The following LMNB1 variants were observed in gnomAD, a reference collection of about 807,000 sequenced individuals.
The protein encoded by LMNB1 is lamin B1.
In LMNB1, 23 loss-of-function variants were observed where a neutral mutation model predicts 67.1. That is an observed-to-expected ratio of 0.34 (90% CI 0.25 to 0.49). LMNB1 has a LOEUF of 0.49. Among genes scored for constraint, LMNB1 ranks in the 20% least tolerant of loss-of-function variants. The pLI is 0.99. For missense variants in LMNB1, 634 were observed against 746.5 expected, an observed-to-expected ratio of 0.85 and a Z score of 1.76; for synonymous variants, 281 against 282.9, an observed-to-expected ratio of 0.99 and a Z score of 0.07.
At chr5:126,783,155 G>A (rs565467608) in intron 1 of LMNB1, among the ~76,000 whole-genome samples, 1 of 151,870 alleles carries the variant, frequency 6.6e-6, no homozygotes, top group African/African-American at 2.4e-5. Context: ...AGCCAAGATC[G>A]TACCACTGCA....
Position 126,822,051 on chromosome 5 carries a change from C to T in LMNB1, c.1387-730C>T, listed in dbSNP as rs115039617. 7.0e-3 allele frequency among the ~76,000 whole-genome samples: 1,020 copies of T among 144,768 alleles called. 13 individuals are homozygous for T. The highest frequency in any genetic ancestry group is 0.024 in the African/African-American group (943 of 38,986). 95.0% of individuals were successfully genotyped at this position (144,768 alleles called of 152,430 possible). On this transcript the variant is annotated intron_variant, in intron 7 of 10. Coordinates refer to ENST00000261366, the MANE Select transcript of LMNB1 (RefSeq NM_005573.4). Reference sequence around the variant, plus strand: ...TTGAGTCTTGCTCTGTTGCCCAGGTCGGAGTGCAGTGGCATGATCTTGGCT... The same window carrying T: ...TTGAGTCTTGCTCTGTTGCCCAGGTTGGAGTGCAGTGGCATGATCTTGGCT...
intron 1 of LMNB1, among the ~76,000 whole-genome samples, chr5:126,787,546 A>ATATTTTT: frequency 1.5e-5 from 1 of 65,572 alleles, no homozygotes; most frequent in African/African-American, 6.6e-5. Flanking sequence ...ATATATATAT[A>ATATTTTT]TTTTTTTTTT....
intron 1 of LMNB1, among the ~76,000 whole-genome samples, chr5:126,778,217 C>A (rs967927953): frequency 6.6e-6 from 1 of 151,968 alleles, no homozygotes; most frequent in African/African-American, 2.4e-5. Context: ...CCTCAGGCCC[C>A]AGGTGCGGGG....
intron 1 of LMNB1, among the ~76,000 whole-genome samples, chr5:126,799,113 G>A (rs1481647273): frequency 3.3e-5 from 5 of 151,800 alleles, no homozygotes; most frequent in African/African-American, 1.2e-4. Context: ...CGCCCCCTGG[G>A]GTTCACGCCA....
chr5:126,804,238 C>CTT (rs61232506), intron 1 of LMNB1, among the ~76,000 whole-genome samples: 31,169 of 101,184 alleles, frequency 0.31, 5,129 homozygotes, highest in South Asian at 0.38. Context: ...GTGCCAGGCT[C>CTT]TTTTTTTTTT....
chr5:126,822,276 C>T (rs1198779249), intron 7 of LMNB1, among the ~76,000 whole-genome samples: 1 of 152,130 alleles, frequency 6.6e-6, no homozygotes, highest in Non-Finnish European at 1.5e-5. Flanking sequence ...AGGCATGGGC[C>T]ACCATGCCCA....
intron 1 of LMNB1, among the ~76,000 whole-genome samples, chr5:126,787,445 A>ATGTTATATATAACATATACTTTATGTATT (rs1278107843): frequency 6.8e-6 from 1 of 147,798 alleles, no homozygotes; most frequent in Non-Finnish European, 1.5e-5. Flanking sequence ...TTATATGTAT[A>ATGTTATATATAACATATACTTTATGTATT]TGTTATATAT....
chr5:126,796,914 GA>G (rs1751111697), intron 1 of LMNB1, among the ~76,000 whole-genome samples: 3 of 150,646 alleles, frequency 2.0e-5, no homozygotes, highest in East Asian at 3.9e-4. Context: ...TCAGCCTCCC[GA>G]GTAGCTGGGA....
rs1209833921 is a variant in LMNB1, at chr5:126,785,509, CG to C, written c.359+7643del. 2.1e-5 allele frequency among the ~76,000 whole-genome samples: 3 copies of C among 142,472 alleles called. No individual in the cohort carries two copies. In the South Asian group the frequency reaches 6.6e-4, roughly 32 times the overall value. 93.5% of individuals were successfully genotyped at this position (142,472 alleles called of 152,430 possible). A position where few individuals can be genotyped will look rare whatever the true frequency, so the allele number is the denominator to read the frequency against. ...TTTTTTTTTTGTATTTTAGTAGAGA[CG>C]AGGTTTCACCAGGTTGCCCAGGCTT... On this transcript the variant is annotated intron_variant, in intron 1 of 10. Coordinates refer to ENST00000261366, the MANE Select transcript of LMNB1 (RefSeq NM_005573.4).
At chr5:126,811,063 T>A (rs1467048770) in intron 4 of LMNB1, among the ~76,000 whole-genome samples, 1 of 152,260 alleles carries the variant, frequency 6.6e-6, no homozygotes, top group Non-Finnish European at 1.5e-5. Flanking sequence ...AAACTGTTCA[T>A]GTTGCTTTTT....
At chr5:126,781,984 T>C (rs1750643997) in intron 1 of LMNB1, among the ~76,000 whole-genome samples, 2 of 152,184 alleles carry the variant, frequency 1.3e-5, no homozygotes, top group Admixed American at 1.3e-4. Flanking sequence ...ATATGTAAGG[T>C]ACAGTTACTT....
chr5:126,831,509 C>G (rs760452822), intron 9 of LMNB1, among the ~76,000 whole-genome samples: 9 of 152,194 alleles, frequency 5.9e-5, no homozygotes, highest in Admixed American at 1.3e-4. Context: ...ATTGGAACCT[C>G]ACTAGTACGT....
At chr5:126,778,479 G>T (rs1399306950) in intron 1 of LMNB1, among the ~76,000 whole-genome samples, 1 of 152,224 alleles carries the variant, frequency 6.6e-6, no homozygotes, top group African/African-American at 2.4e-5. Context: ...AAGATTCTAC[G>T]CCTGCTTTAG....
intron 5 of LMNB1, 54 bp from the exon 6 acceptor site, chr5:126,818,868 G>A (rs1751790003): frequency 1.6e-6 from 2 of 1,219,032 alleles, no homozygotes; most frequent in East Asian, 2.3e-5. Context: ...ATAGCTGCCT[G>A]GTGCTAATGT....
intron 1 of LMNB1, among the ~76,000 whole-genome samples, chr5:126,780,236 C>G (rs1712322168): frequency 6.6e-6 from 1 of 152,026 alleles, no homozygotes; most frequent in East Asian, 1.9e-4. Flanking sequence ...GTACCAGTCA[C>G]CGTTCTATGT....
intron 7 of LMNB1, among the ~76,000 whole-genome samples, chr5:126,822,126 GC>G (rs1289744768): frequency 6.6e-6 from 1 of 151,678 alleles, no homozygotes; most frequent in Non-Finnish European, 1.5e-5. Context: ...CTCCTGAGTA[GC>G]TGGGATTACA....
intron 1 of LMNB1, among the ~76,000 whole-genome samples, chr5:126,779,576 C>T (rs1580520063): frequency 6.6e-6 from 1 of 152,178 alleles, no homozygotes; most frequent in Non-Finnish European, 1.5e-5. Flanking sequence ...TCCTGTTGGA[C>T]CCATCATGAT....
intron 1 of LMNB1, among the ~76,000 whole-genome samples, chr5:126,800,982 A>ATATATATTTT: frequency 5.4e-5 from 1 of 18,632 alleles, no homozygotes; most frequent in South Asian, 2.8e-3. Context: ...TATATATATA[A>ATATATATTTT]TTTTTTTTTT....
rs771730664 is a variant in LMNB1 at position 126,832,684 on chromosome 5, T to C, written c.1612-10T>C. On this transcript the variant is annotated splice_polypyrimidine_tract_variant and intron_variant, in intron 9 of 10. Coordinates refer to ENST00000261366, the MANE Select transcript of LMNB1 (RefSeq NM_005573.4). ...GTGTGTTTTTTAACTTAAACTACTA[T>C]TGTTTTTAGGAGGTTGCTCAAAGAA... 16 of 1,587,232 alleles carry C rather than the reference T, an allele frequency of 1.0e-5. No homozygotes were observed. The East Asian group carries it at 2.0e-4, about 20-fold the overall frequency.
Sources: allele counts gnomAD v4.1 joint callset (sites outside exome capture counted in the v4.1 genomes callset), GRCh38; gene constraint gnomAD v4.1.1; transcripts MANE v1.5; gene names NCBI Gene and HGNC (gene_info 2026-07-23, HGNC 2026-07-21).